Variants in SHISA6 observed in about 807,000 individuals in gnomAD.
SHISA6 encodes the protein shisa family member 6, also known as protein shisa-6.
Under a neutral mutation model 47.9 loss-of-function variants are expected in SHISA6, and 22 were observed. That is an observed-to-expected ratio of 0.46 (90% CI 0.33 to 0.66). The LOEUF (loss-of-function observed/expected upper bound fraction) is 0.66. Ranked by LOEUF, SHISA6 falls within the 30% of genes least tolerant of loss-of-function variation. The pLI, the probability that SHISA6 is intolerant of heterozygous loss-of-function variation, is 0.02. For synonymous variants in SHISA6, 388 were observed against 337.8 expected (o/e 1.15, Z -1.63); for missense variants, 680 against 764.6 (o/e 0.89, Z 1.30).
chr17:11,327,898 A>G (rs1258516952), intron 2 of SHISA6, among the ~76,000 whole-genome samples: 2 of 152,082 alleles, frequency 1.3e-5, no homozygotes, highest in African/African-American at 4.8e-5. Flanking sequence ...CCCCATTCAG[A>G]AGCATTTTCT....
chr17:11,519,874 T>C (rs925179703), intron 3 of SHISA6, among the ~76,000 whole-genome samples: 2 of 152,158 alleles, frequency 1.3e-5, no homozygotes, highest in Admixed American at 6.5e-5. Flanking sequence ...GCTGTCCTCC[T>C]GAGATGCTGT....
At chr17:11,385,309 G>A (rs150089991) in intron 3 of SHISA6, among the ~76,000 whole-genome samples, 4 of 152,146 alleles carry the variant, frequency 2.6e-5, no homozygotes, top group African/African-American at 7.2e-5. Flanking sequence ...CTTGTGTGGG[G>A]CGCAGCAATG....
intron 3 of SHISA6, among the ~76,000 whole-genome samples, chr17:11,530,236 A>C (rs1377119925): frequency 6.6e-6 from 1 of 152,194 alleles, no homozygotes; most frequent in Non-Finnish European, 1.5e-5. Flanking sequence ...GAAACAACCT[A>C]GTTATCTAAC....
intron 3 of SHISA6, among the ~76,000 whole-genome samples, chr17:11,425,322 G>A (rs1914581689): frequency 6.6e-6 from 1 of 151,920 alleles, no homozygotes; most frequent in Non-Finnish European, 1.5e-5. Flanking sequence ...GTGACAAAGA[G>A]AACTGGATGG....
chr17:11,489,228 C>T (rs1470552224), intron 3 of SHISA6, among the ~76,000 whole-genome samples: 1 of 152,096 alleles, frequency 6.6e-6, no homozygotes, highest in Non-Finnish European at 1.5e-5. Flanking sequence ...CACAGTGCTT[C>T]TCGGGGCCCC....
chr17:11,505,343 G>T (rs1298478090), intron 3 of SHISA6, among the ~76,000 whole-genome samples: 1 of 152,198 alleles, frequency 6.6e-6, no homozygotes, highest in Admixed American at 6.5e-5. Context: ...TCATGGATGG[G>T]TTCCAGAAAT....
chr17:11,515,335 A>G (rs2071576408), intron 3 of SHISA6, among the ~76,000 whole-genome samples: 1 of 150,388 alleles, frequency 6.6e-6, no homozygotes, highest in South Asian at 2.1e-4. Context: ...GAAGGAAGGA[A>G]GGAAGGAAGG....
chr17:11,400,966 T>C (rs1461178930), intron 3 of SHISA6, among the ~76,000 whole-genome samples: 1 of 152,236 alleles, frequency 6.6e-6, no homozygotes, highest in Non-Finnish European at 1.5e-5. Flanking sequence ...ACAGTTCTTG[T>C]CTGTGGTCTC....
intron 2 of SHISA6, among the ~76,000 whole-genome samples, chr17:11,320,170 A>T (rs1440922700): frequency 6.6e-6 from 1 of 152,252 alleles, no homozygotes; most frequent in Non-Finnish European, 1.5e-5. Flanking sequence ...TCAATCATTT[A>T]TGTGGACATA....
At chr17:11,429,620 T>TA (rs34738346) in intron 3 of SHISA6, among the ~76,000 whole-genome samples, 21,808 of 121,460 alleles carry the variant, frequency 0.18, 2,001 homozygotes, top group African/African-American at 0.24. Flanking sequence ...CATCTCTACT[T>TA]AAAAAAAAAA....
intron 3 of SHISA6, among the ~76,000 whole-genome samples, chr17:11,427,126 T>TTTGTTGTTG (rs556894783): frequency 6.6e-5 from 10 of 152,022 alleles, no homozygotes; most frequent in Admixed American, 3.9e-4. Flanking sequence ...CTTTCGTATG[T>TTTGTTGTTG]TTGTTGTTGT....
At position 11,555,416 on chromosome 17, in the gene SHISA6, C is replaced by A. The variant is rs76571820; in HGVS notation, c.953-324C>A. 2.8e-3 allele frequency among the ~76,000 whole-genome samples: 424 copies of A among 152,182 alleles called. 1 individual carries two copies. The highest frequency in any genetic ancestry group is 9.9e-3 in the African/African-American group (410 of 41,516). ...ACAGAAGTAGATGATTTTTATGATGCCCCTCAGCTCCATCAGGCTTACGTT... is the reference window on the plus strand; with the variant it reads ...ACAGAAGTAGATGATTTTTATGATGACCCTCAGCTCCATCAGGCTTACGTT... On this transcript the variant is annotated intron_variant, in intron 4 of 5. Transcript: ENST00000441885.
chr17:11,434,153 T>C (rs1914870354), intron 3 of SHISA6, among the ~76,000 whole-genome samples: 1 of 151,116 alleles, frequency 6.6e-6, no homozygotes, highest in Non-Finnish European at 1.5e-5. Context: ...AACCTCTGCC[T>C]CTTGGATTCA....
intron 3 of SHISA6, among the ~76,000 whole-genome samples, chr17:11,410,745 T>C (rs1362326239): frequency 6.6e-6 from 1 of 152,146 alleles, no homozygotes; most frequent in African/African-American, 2.4e-5. Flanking sequence ...CTGGACCTGC[T>C]GTGCCAGTGT....
At chr17:11,304,549 C>T (rs1361112303) in intron 2 of SHISA6, among the ~76,000 whole-genome samples, 4 of 152,020 alleles carry the variant, frequency 2.6e-5, no homozygotes, top group Non-Finnish European at 5.9e-5. Flanking sequence ...GGTATTTTGC[C>T]AGCAGCATTT....
chr17:11,307,175 A>G (rs1008139825), intron 2 of SHISA6, among the ~76,000 whole-genome samples: 15 of 106,386 alleles, frequency 1.4e-4, no homozygotes, highest in African/African-American at 5.2e-4. Flanking sequence ...TTTTTTTATT[A>G]TACTTTAAGT....
chr17:11,552,904 T>A (rs1440479210), intron 4 of SHISA6, among the ~76,000 whole-genome samples: 3 of 152,196 alleles, frequency 2.0e-5, no homozygotes, highest in African/African-American at 7.2e-5. Context: ...GAAAAGAGGT[T>A]GATACCAGTG....
At chr17:11,422,522 C>T (rs1012999130) in intron 3 of SHISA6, among the ~76,000 whole-genome samples, 2 of 152,122 alleles carry the variant, frequency 1.3e-5, no homozygotes, top group Admixed American at 6.5e-5. Context: ...GAGGCCAAGG[C>T]GGGCGGATCA....
chr17:11,449,971 G>A (rs922267877), intron 3 of SHISA6, among the ~76,000 whole-genome samples: 17 of 152,178 alleles, frequency 1.1e-4, no homozygotes, highest in African/African-American at 2.9e-4. Flanking sequence ...TGCAAGCTCC[G>A]CCTCCTGGGT....
Sources: gnomAD v4.1 joint callset for allele counts (sites outside exome capture counted in the v4.1 genomes callset) on GRCh38, gnomAD v4.1.1 for gene constraint, MANE v1.5 for transcripts, NCBI Gene and HGNC (gene_info 2026-07-23, HGNC 2026-07-21) for gene names.